SAMMSON: variants seen among roughly 807,000 people sequenced by gnomAD.
SAMMSON encodes survival associated mitochondrial melanoma specific oncogenic non-coding RNA, also known as long intergenic non-protein coding RNA 1212.
At chr3:70,312,156 A>G (rs1050993420) in intron 7 of SAMMSON, among the ~76,000 whole-genome samples, 1 of 152,218 alleles carries the variant, frequency 6.6e-6, no homozygotes, top group Non-Finnish European at 1.5e-5. Flanking sequence ...AAACATTGAC[A>G]TTGAAAACTA....
At chr3:70,172,870 G>A (rs142389944) in intron 4 of SAMMSON, 188 of 152,068 alleles carry the variant, frequency 1.2e-3, no homozygotes, top group African/African-American at 4.3e-3. Flanking sequence ...AGAGATACAT[G>A]TTCCATAATA....
At chr3:70,425,590 T>G (rs1230104906) in intron 2 of SAMMSON, among the ~76,000 whole-genome samples, 2 of 151,852 alleles carry the variant, frequency 1.3e-5, no homozygotes, top group Non-Finnish European at 2.9e-5. Flanking sequence ...TTTTTTCTTT[T>G]TTTTAGTAGA....
intron 4 of SAMMSON, among the ~76,000 whole-genome samples, chr3:70,169,693 C>T (rs1366482332): frequency 2.7e-5 from 4 of 147,028 alleles, no homozygotes; most frequent in Admixed American, 2.1e-4. Context: ...CTCCCCAGAA[C>T]AGTCTTTCTA....
At chr3:70,126,070 T>C in intron 4 of SAMMSON, 1 of 1,158,630 alleles carries the variant, frequency 8.6e-7, no homozygotes, top group Non-Finnish European at 1.3e-6. Flanking sequence ...GACCTGTACA[T>C]AGAACTTAGG....
intron 6 of SAMMSON, among the ~76,000 whole-genome samples, chr3:70,261,633 T>C (rs1417321554): frequency 6.6e-6 from 1 of 152,160 alleles, no homozygotes; most frequent in African/African-American, 2.4e-5. Context: ...TTTCAACAAT[T>C]TCTACCATAA....
intron 4 of SAMMSON, among the ~76,000 whole-genome samples, chr3:70,207,110 A>C (rs542418100): frequency 1.3e-5 from 2 of 151,252 alleles, no homozygotes; most frequent in South Asian, 2.1e-4. Flanking sequence ...CTCATAGTAC[A>C]TTGTCAGCCT....
intron 4 of SAMMSON, among the ~76,000 whole-genome samples, chr3:70,185,748 G>A (rs1195741575): frequency 3.4e-5 from 5 of 146,354 alleles, no homozygotes; most frequent in African/African-American, 1.3e-4. Flanking sequence ...TGTAGTTCCA[G>A]CTACCAGAAG....
At chr3:70,371,507 T>A (rs926045128) in intron 9 of SAMMSON, among the ~76,000 whole-genome samples, 1 of 152,104 alleles carries the variant, frequency 6.6e-6, no homozygotes, top group Non-Finnish European at 1.5e-5. Flanking sequence ...TTTGTAGTTT[T>A]TGTTATTTTT....
At chr3:70,237,836 A>G (rs757402031) in intron 4 of SAMMSON, among the ~76,000 whole-genome samples, 6 of 152,162 alleles carry the variant, frequency 3.9e-5, no homozygotes, top group Non-Finnish European at 7.3e-5. Flanking sequence ...TTTTCCTTAA[A>G]TATTGCACTG....
intron 7 of SAMMSON, among the ~76,000 whole-genome samples, chr3:70,309,315 G>A (rs1702435167): frequency 6.6e-6 from 1 of 152,064 alleles, no homozygotes. Context: ...TTTGTTGTAG[G>A]TATTAAAAGG....
chr3:70,290,803 G>A (rs1280592462), intron 6 of SAMMSON, among the ~76,000 whole-genome samples: 1 of 152,154 alleles, frequency 6.6e-6, no homozygotes, highest in African/African-American at 2.4e-5. Context: ...GCAGTATTCG[G>A]GTGGGAGTGA....
chr3:70,279,249 A>G (rs377604416), intron 6 of SAMMSON, among the ~76,000 whole-genome samples: 1 of 152,058 alleles, frequency 6.6e-6, no homozygotes, highest in East Asian at 1.9e-4. Flanking sequence ...ACATATTATT[A>G]TTTTCATTTT....
intron 4 of SAMMSON, among the ~76,000 whole-genome samples, chr3:70,116,292 C>CTTTT (rs57252778): frequency 0.056 from 6,602 of 118,046 alleles, 284 homozygotes; most frequent in East Asian, 0.18. Context: ...GCGATGCTTT[C>CTTTT]TTTTTTTTTT....
intron 7 of SAMMSON, among the ~76,000 whole-genome samples, chr3:70,304,346 C>A (rs534877446): frequency 6.6e-6 from 1 of 152,320 alleles, no homozygotes; most frequent in South Asian, 2.1e-4. Context: ...AATCTCAAGA[C>A]TTCTCTTGTC....
intron 4 of SAMMSON, among the ~76,000 whole-genome samples, chr3:70,164,765 C>T (rs912284522): frequency 6.6e-6 from 1 of 151,980 alleles, no homozygotes; most frequent in South Asian, 2.1e-4. Context: ...AGTGAGTTAT[C>T]ACATATGAAG....
intron 4 of SAMMSON, among the ~76,000 whole-genome samples, chr3:70,196,478 C>A (rs2106716052): frequency 6.6e-6 from 1 of 152,198 alleles, no homozygotes; most frequent in African/African-American, 2.4e-5. Flanking sequence ...TTAATAATAA[C>A]CAACAATGCA....
At chr3:70,065,110 A>G (rs2067204714) in intron 3 of SAMMSON, 2 of 152,122 alleles carry the variant, frequency 1.3e-5, no homozygotes, top group South Asian at 4.1e-4. Flanking sequence ...AAGTTTGTGT[A>G]TCATACACTT....
intron 1 of SAMMSON, among the ~76,000 whole-genome samples, chr3:70,004,993 G>A (rs114359406): frequency 1.4e-4 from 21 of 152,300 alleles, no homozygotes; most frequent in African/African-American, 4.8e-4. Flanking sequence ...GTTTCACTGA[G>A]TGGCAGAGCC....
intron 6 of SAMMSON, among the ~76,000 whole-genome samples, chr3:70,285,554 G>A (rs1431026593): frequency 6.6e-6 from 1 of 150,668 alleles, no homozygotes; most frequent in Admixed American, 6.6e-5. Flanking sequence ...ATGATTTATA[G>A]TCCTTTGGGT....
Sources: gnomAD v4.1 joint callset for allele counts (sites outside exome capture counted in the v4.1 genomes callset) on GRCh38, gnomAD v4.1.1 for gene constraint, MANE v1.5 for transcripts, NCBI Gene and HGNC (gene_info 2026-07-23, HGNC 2026-07-21) for gene names.